Variants in ZNF565 observed in about 807,000 individuals in gnomAD.
ZNF565 encodes zinc finger protein 565.
Under a neutral mutation model 39.4 loss-of-function variants are expected in ZNF565, and 27 were observed. That is an observed-to-expected ratio of 0.69 (90% CI 0.51 to 0.95). ZNF565 has a LOEUF of 0.95. Among genes scored for constraint, ZNF565 ranks in the 40% least tolerant of loss-of-function variants. The probability of loss-of-function intolerance (pLI) is 0.00; values close to 1 mark genes in which losing one functional copy is unlikely to be tolerated. For missense variants in ZNF565, 524 were observed against 621.1 expected (o/e 0.84, Z 1.66); for synonymous variants, 185 against 216.6 (o/e 0.85, Z 1.28).
intron 1 of ZNF565, among the ~76,000 whole-genome samples, chr19:36,211,946 A>G (rs1254549119): frequency 2.0e-5 from 3 of 152,200 alleles, no homozygotes; most frequent in African/African-American, 7.2e-5. Context: ...AGGATAAGAA[A>G]CGGGATATTC....
At position 36,194,066 on chromosome 19, in the gene ZNF565, G is replaced by C. The variant is rs145939442; in HGVS notation, c.232+167C>G. On this transcript the variant is annotated intron_variant, in intron 4 of 4. Transcript: ENST00000304116. ...GAGGAATTAATGGGAGTAGGCCAAGGTTCTCTTGGAAGCTGACGCTAATAA... is the reference window on the plus strand; with the variant it reads ...GAGGAATTAATGGGAGTAGGCCAAGCTTCTCTTGGAAGCTGACGCTAATAA... Among the ~76,000 whole-genome samples the C allele has an allele frequency of 2.0e-3, 309 of 152,234 alleles. 2 individuals carry two copies. Among genetic ancestry groups the C allele is most frequent in the African/African-American group, 6.8e-3 (283 of 41,532 alleles).
chr19:36,184,463 C>T (rs963289610), intron 4 of ZNF565, among the ~76,000 whole-genome samples: 3 of 152,014 alleles, frequency 2.0e-5, no homozygotes, highest in African/African-American at 4.8e-5. Context: ...TGGGGTTTCA[C>T]CATATTGGCC....
intron 1 of ZNF565, among the ~76,000 whole-genome samples, chr19:36,209,419 C>T (rs1005656497): frequency 7.2e-5 from 11 of 152,018 alleles, no homozygotes; most frequent in Non-Finnish European, 1.2e-4. Flanking sequence ...TGCTTGAACC[C>T]GAGAGGTGGA....
chr19:36,187,862 T>C (rs1975365940), intron 4 of ZNF565, among the ~76,000 whole-genome samples: 1 of 149,578 alleles, frequency 6.7e-6, no homozygotes, highest in Non-Finnish European at 1.5e-5. Context: ...ATTTTCTTGA[T>C]CTCCTGACCT....
intron 1 of ZNF565, among the ~76,000 whole-genome samples, chr19:36,234,585 G>A (rs899248192): frequency 6.6e-6 from 1 of 152,180 alleles, no homozygotes; most frequent in African/African-American, 2.4e-5. Flanking sequence ...TTTTAGTAGA[G>A]ATGGGGTTTC....
intron 4 of ZNF565, among the ~76,000 whole-genome samples, chr19:36,192,415 G>A (rs769945018): frequency 6.6e-6 from 1 of 151,946 alleles, no homozygotes; most frequent in Non-Finnish European, 1.5e-5. Context: ...CAAACGTAAA[G>A]TGAGAGACAA....
intron 1 of ZNF565, among the ~76,000 whole-genome samples, chr19:36,210,827 C>T (rs1976327588): frequency 6.6e-6 from 1 of 151,992 alleles, no homozygotes; most frequent in Non-Finnish European, 1.5e-5. Context: ...AACCAATGGT[C>T]CCCGGGAAAT....
At chr19:36,239,263 G>A (rs1177096841) in intron 1 of ZNF565, among the ~76,000 whole-genome samples, 1 of 151,518 alleles carries the variant, frequency 6.6e-6, no homozygotes, top group Non-Finnish European at 1.5e-5. Context: ...TGGAATGTCA[G>A]TTTTCCTCTC....
chr19:36,192,430 CA>C (rs543470360), intron 4 of ZNF565, among the ~76,000 whole-genome samples: 4 of 151,898 alleles, frequency 2.6e-5, no homozygotes, highest in African/African-American at 9.6e-5. Flanking sequence ...AGACAATCTA[CA>C]AAAAAATACT....
intron 1 of ZNF565, among the ~76,000 whole-genome samples, chr19:36,235,359 TC>T (rs1977608001): frequency 6.6e-6 from 1 of 152,192 alleles, no homozygotes; most frequent in Non-Finnish European, 1.5e-5. Flanking sequence ...AGGTTATTTT[TC>T]AAGAGTACTT....
At chr19:36,239,577 T>C (rs1977762251) in intron 1 of ZNF565, among the ~76,000 whole-genome samples, 1 of 152,166 alleles carries the variant, frequency 6.6e-6, no homozygotes, top group South Asian at 2.1e-4. Flanking sequence ...CTCCATGGCC[T>C]GTTCAAGTGC....
intron 2 of ZNF565, among the ~76,000 whole-genome samples, chr19:36,199,189 T>C (rs1975867674): frequency 6.6e-6 from 1 of 152,350 alleles, no homozygotes; most frequent in South Asian, 2.1e-4. Context: ...ACCAGAAAGC[T>C]GATGGAGGGT....
chr19:36,188,843 A>G (rs937979454), intron 4 of ZNF565, among the ~76,000 whole-genome samples: 1 of 152,224 alleles, frequency 6.6e-6, no homozygotes, highest in Admixed American at 6.6e-5. Flanking sequence ...CATACAATGG[A>G]ATATTATTCA....
chr19:36,229,885 A>C (rs1977248074), intron 1 of ZNF565, among the ~76,000 whole-genome samples: 1 of 152,080 alleles, frequency 6.6e-6, no homozygotes. Flanking sequence ...ACACCTGGCT[A>C]ATTTTTGTAT....
chr19:36,216,503 C>T (rs1306923683), upstream of ZNF565, among the ~76,000 whole-genome samples: 2 of 151,608 alleles, frequency 1.3e-5, no homozygotes, highest in Non-Finnish European at 2.9e-5. Context: ...TAAAAAAATA[C>T]AAAAATTAGC....
intron 1 of ZNF565, among the ~76,000 whole-genome samples, chr19:36,240,770 G>A (rs1226496481): frequency 6.6e-6 from 1 of 151,912 alleles, no homozygotes; most frequent in African/African-American, 2.4e-5. Context: ...TTGGGAGGCT[G>A]AGGCAGGAGA....
chr19:36,191,654 A>G (rs1211592768), intron 4 of ZNF565, among the ~76,000 whole-genome samples: 1 of 152,202 alleles, frequency 6.6e-6, no homozygotes, highest in African/African-American at 2.4e-5. Flanking sequence ...TACAGCCCAT[A>G]GAATAAAATA....
chr19:36,214,075 TACAC>T (rs954867226), intron 1 of ZNF565, among the ~76,000 whole-genome samples: 16 of 151,798 alleles, frequency 1.1e-4, no homozygotes, highest in South Asian at 6.2e-4. Context: ...ACTGTGGACA[TACAC>T]ACAGTCACAC....
intron 1 of ZNF565, among the ~76,000 whole-genome samples, chr19:36,212,771 C>T (rs888964869): frequency 2.6e-5 from 4 of 152,170 alleles, no homozygotes; most frequent in South Asian, 2.1e-4. Flanking sequence ...CTCCAAGGCA[C>T]GCAGTAAATT....
Sources: gnomAD v4.1 joint callset for allele counts (sites outside exome capture counted in the v4.1 genomes callset) on GRCh38, gnomAD v4.1.1 for gene constraint, MANE v1.5 for transcripts, NCBI Gene and HGNC (gene_info 2026-07-23, HGNC 2026-07-21) for gene names.